UBASH3B: variants seen among roughly 807,000 people sequenced by gnomAD.
The protein encoded by UBASH3B is ubiquitin associated and SH3 domain containing B.
A neutral mutation model predicts 83.4 loss-of-function variants in UBASH3B; 37 were observed. That is an observed-to-expected ratio of 0.44 (90% CI 0.34 to 0.58). UBASH3B has a LOEUF of 0.58. Among genes scored for constraint, UBASH3B ranks in the 20% least tolerant of loss-of-function variants. The probability of loss-of-function intolerance (pLI) is 0.01; values close to 1 mark genes in which losing one functional copy is unlikely to be tolerated. For missense variants in UBASH3B, 657 were observed against 827.2 expected (o/e 0.79, Z 2.52); for synonymous variants, 304 against 318.3 (o/e 0.96, Z 0.48).
intron 1 of UBASH3B, among the ~76,000 whole-genome samples, chr11:122,769,576 CTG>C (rs1167750372): frequency 3.9e-5 from 6 of 152,246 alleles, no homozygotes; most frequent in African/African-American, 1.4e-4. Flanking sequence ...CCCAGGCACT[CTG>C]TTGAGCAGCC....
In UBASH3B at chr11:122,705,034, T is replaced by G. The variant is rs1864097099; in HGVS notation, c.161+48824T>G. Among the ~76,000 whole-genome samples, 3 of 152,226 alleles carry G rather than the reference T, an allele frequency of 2.0e-5. No individual in the cohort carries two copies. The South Asian group carries it at 6.2e-4, about 31-fold the overall frequency. ...CTATGGGAGGGAGCAGGCACTAACC[T>G]GGCCAACATATGTTTGGGCCTTGGC... On this transcript the variant is annotated intron_variant, in intron 1 of 13. Transcript: ENST00000284273.
chr11:122,797,011 A>C lies in UBASH3B; in HGVS notation c.1335A>C (p.Gly445=). 1 of 1,612,922 alleles carries C rather than the reference A, an allele frequency of 6.2e-7. No individual in the cohort carries two copies. The highest frequency in any genetic ancestry group is 8.5e-7 in the Non-Finnish European group (1 of 1,179,418). ...AAGATGCTCCCATCACTGTGTTTGGATGCATGCAAGCAAGACTAGTGGGTA... is the reference window on the plus strand; with the variant it reads ...AAGATGCTCCCATCACTGTGTTTGGCTGCATGCAAGCAAGACTAGTGGGTA... The part of the protein sequence containing the change: ...YEKDAPITVF[G]CMQARLVGEA... Residue 445 remains glycine (G), a synonymous_variant, in exon 9 of 14, where the codon GGA becomes GGC. Transcript: ENST00000284273.
chr11:122,661,859 C>CA (rs34663505), intron 1 of UBASH3B, among the ~76,000 whole-genome samples: 1,784 of 105,170 alleles, frequency 0.017, 17 homozygotes, highest in Non-Finnish European at 0.025. Flanking sequence ...GTCCTGGTTC[C>CA]AAAAAAAAAA....
intron 1 of UBASH3B, among the ~76,000 whole-genome samples, chr11:122,735,207 C>T (rs1333908592): frequency 6.6e-6 from 1 of 152,176 alleles, no homozygotes; most frequent in East Asian, 1.9e-4. Flanking sequence ...GCATATATTT[C>T]TCGTTTGTTT....
At chr11:122,678,802 T>G (rs2135906887) in intron 1 of UBASH3B, among the ~76,000 whole-genome samples, 1 of 152,290 alleles carries the variant, frequency 6.6e-6, no homozygotes, top group East Asian at 1.9e-4. Flanking sequence ...AGGCATAGCT[T>G]AGAGCAAAGG....
intron 12 of UBASH3B, among the ~76,000 whole-genome samples, chr11:122,807,288 G>A (rs1272224950): frequency 2.0e-5 from 3 of 152,226 alleles, no homozygotes; most frequent in Admixed American, 6.5e-5. Flanking sequence ...CAACAGTCCT[G>A]TATCTTGATT....
intron 1 of UBASH3B, among the ~76,000 whole-genome samples, chr11:122,704,571 G>A (rs867277334): frequency 1.6e-4 from 24 of 151,802 alleles, no homozygotes; most frequent in African/African-American, 3.9e-4. Context: ...GTGCAGTGGC[G>A]TGATCTCGGC....
intron 1 of UBASH3B, among the ~76,000 whole-genome samples, chr11:122,732,444 A>G (rs1243013917): frequency 6.6e-6 from 1 of 152,230 alleles, no homozygotes; most frequent in African/African-American, 2.4e-5. Context: ...ACATTGGTGT[A>G]TGTGGGCCTC....
At chr11:122,670,394 T>C (rs564175816) in intron 1 of UBASH3B, among the ~76,000 whole-genome samples, 1 of 152,290 alleles carries the variant, frequency 6.6e-6, no homozygotes, top group African/African-American at 2.4e-5. Flanking sequence ...TGGGGCAGAA[T>C]GCAGAGTGGT....
intron 1 of UBASH3B, among the ~76,000 whole-genome samples, chr11:122,713,960 G>A (rs1864233397): frequency 6.7e-6 from 1 of 149,250 alleles, no homozygotes; most frequent in Non-Finnish European, 1.5e-5. Flanking sequence ...ACGAGTTTAG[G>A]TGGCTCACAG....
chr11:122,676,785 T>A (rs1863673248), intron 1 of UBASH3B, among the ~76,000 whole-genome samples: 1 of 152,176 alleles, frequency 6.6e-6, no homozygotes, highest in Admixed American at 6.5e-5. Flanking sequence ...CCCCTCAGGC[T>A]CCCTTCTGTA....
At chr11:122,769,513 C>CAAAT (rs1860606985) in intron 1 of UBASH3B, among the ~76,000 whole-genome samples, 1 of 152,116 alleles carries the variant, frequency 6.6e-6, no homozygotes, top group African/African-American at 2.4e-5. Context: ...ACTAGAGAAA[C>CAAAT]AAATAGATGG....
At chr11:122,696,256 A>C (rs560903899) in intron 1 of UBASH3B, among the ~76,000 whole-genome samples, 72 of 151,530 alleles carry the variant, frequency 4.8e-4, no homozygotes, top group Non-Finnish European at 6.0e-4. Context: ...GGCCCCAAAT[A>C]GTTTTTAATT....
intron 11 of UBASH3B, among the ~76,000 whole-genome samples, chr11:122,803,854 G>C (rs887056136): frequency 6.6e-6 from 1 of 152,038 alleles, no homozygotes. Context: ...TTGAGTGGGT[G>C]GGGGGAAGGC....
chr11:122,716,881 C>T (rs559004051), intron 1 of UBASH3B, among the ~76,000 whole-genome samples: 4 of 152,124 alleles, frequency 2.6e-5, no homozygotes, highest in East Asian at 3.9e-4. Flanking sequence ...TAGAAGCTGT[C>T]GGTCATGGCT....
intron 13 of UBASH3B, 35 bp from the exon 14 acceptor site, chr11:122,809,714 C>T: frequency 1.2e-6 from 2 of 1,612,716 alleles, no homozygotes; most frequent in Non-Finnish European, 1.7e-6. Context: ...AAACCTATCT[C>T]CTAATATCCC....
chr11:122,803,568 C>A (rs1861290886), intron 11 of UBASH3B, among the ~76,000 whole-genome samples: 1 of 152,056 alleles, frequency 6.6e-6, no homozygotes, highest in Admixed American at 6.6e-5. Context: ...ACAACCCCAG[C>A]CTTGAGGAGC....
At chr11:122,698,268 AC>A (rs1863989452) in intron 1 of UBASH3B, among the ~76,000 whole-genome samples, 1 of 150,816 alleles carries the variant, frequency 6.6e-6, no homozygotes, top group Non-Finnish European at 1.5e-5. Flanking sequence ...CCCTACCCAT[AC>A]CCCCATAGTC....
chr11:122,789,337 T>C (rs746058387), intron 6 of UBASH3B, 29 bp downstream of exon 6: 4 of 1,612,082 alleles, frequency 2.5e-6, no homozygotes, highest in Admixed American at 3.3e-5. Flanking sequence ...CTTTATGCCA[T>C]TTGAAGAATG....
Sources: allele counts gnomAD v4.1 joint callset (sites outside exome capture counted in the v4.1 genomes callset), GRCh38; gene constraint gnomAD v4.1.1; transcripts MANE v1.5; gene names NCBI Gene and HGNC (gene_info 2026-07-23, HGNC 2026-07-21).